Variants in ACTN1 observed in about 807,000 individuals in gnomAD.
ACTN1 encodes the protein actinin alpha 1, also known as alpha-actinin-1.
ACTN1 carries 30 observed loss-of-function variants against 119.6 expected under a neutral mutation model. The ratio of observed to expected loss-of-function variants is 0.25; its 90% confidence interval spans 0.19 to 0.34. The LOEUF is 0.34. ACTN1 is among the 10% of genes least tolerant of loss of function. The probability of loss-of-function intolerance (pLI) is 1.00; values close to 1 mark genes in which losing one functional copy is unlikely to be tolerated. For missense variants in ACTN1, 764 were observed against 1,223.4 expected (o/e 0.62, Z 5.60); for synonymous variants, 429 against 472.6 (o/e 0.91, Z 1.20).
Position 68,882,700 on chromosome 14 carries a change from C to T in ACTN1, c.1819-108G>A. Reference sequence around the variant, plus strand: ...GGGGAAGGGCCGGTCAGTAACAGAACAGGAGTAAAGGTGTCAACCTGTTCT... The same window carrying T: ...GGGGAAGGGCCGGTCAGTAACAGAATAGGAGTAAAGGTGTCAACCTGTTCT... On this transcript the variant is annotated intron_variant, in intron 15 of 21. Coordinates refer to ENST00000394419, the MANE Select transcript of ACTN1 (RefSeq NM_001130004.2). This position sits in a 1 kb window ranked among gnomAD's most constrained non-coding sequence, Gnocchi z 4.5. The T allele has an allele frequency of 1.3e-6, 2 of 1,550,058 alleles. No homozygotes were observed. The highest frequency in any genetic ancestry group is 1.8e-6 in the Non-Finnish European group (2 of 1,139,170).
chr14:68,967,423 G>C (rs902936988), intron 1 of ACTN1, among the ~76,000 whole-genome samples: 2 of 152,154 alleles, frequency 1.3e-5, no homozygotes, highest in African/African-American at 4.8e-5. Context: ...TGGGGTGCTG[G>C]GATGAGCTCA....
At position 68,909,875 on chromosome 14, in the gene ACTN1, C is replaced by A. The variant is rs764611361; in HGVS notation, c.515+80G>T. 1 of 1,261,148 alleles carries A rather than the reference C, an allele frequency of 7.9e-7. No homozygotes were observed. The highest frequency in any genetic ancestry group is 1.1e-6 in the Non-Finnish European group (1 of 873,872). The allele number at this position is 1,261,148 out of a possible 1,614,324, so 78.1% of individuals were successfully genotyped here. A position where few individuals can be genotyped will look rare whatever the true frequency, so the allele number is the denominator to read the frequency against. ...TCTCCACTTTGTTCTAAAGCTGAGA[C>A]TGACCCAGCCAAGGGGGTCTGGGAG... On this transcript the variant is annotated intron_variant, in intron 5 of 21. Coordinates refer to ENST00000394419, the MANE Select transcript of ACTN1 (RefSeq NM_001130004.2). This position sits in a 1 kb window ranked among gnomAD's most constrained non-coding sequence, Gnocchi z 4.1.
At chr14:68,901,840 G>A (rs2033360545) in intron 8 of ACTN1, among the ~76,000 whole-genome samples, 1 of 152,184 alleles carries the variant, frequency 6.6e-6, no homozygotes, top group African/African-American at 2.4e-5. Context: ...CAGGACACTT[G>A]ACGGGGCTCA....
intron 1 of ACTN1, among the ~76,000 whole-genome samples, chr14:68,941,363 G>A (rs1393886262): frequency 2.0e-5 from 3 of 152,194 alleles, no homozygotes; most frequent in Non-Finnish European, 4.4e-5. Flanking sequence ...AAAGTTCTAG[G>A]CCGGCAGAGA....
At chr14:68,897,622 T>A (rs550345589) in intron 8 of ACTN1, among the ~76,000 whole-genome samples, 1 of 152,300 alleles carries the variant, frequency 6.6e-6, no homozygotes, top group Admixed American at 6.5e-5. Flanking sequence ...GCCACGAGGA[T>A]CTCATCTATG....
At chr14:68,920,976 C>T (rs774888471) in intron 3 of ACTN1, 30 bp downstream of exon 3, 1 of 1,610,578 alleles carries the variant, frequency 6.2e-7, no homozygotes, top group South Asian at 1.1e-5. Flanking sequence ...GAAAATCAGG[C>T]TCCTTGGGGC....
intron 1 of ACTN1, among the ~76,000 whole-genome samples, chr14:68,950,462 G>GTGTGTGTGTGTGTGTGTATATA: frequency 1.2e-4 from 15 of 125,934 alleles, no homozygotes; most frequent in African/African-American, 5.3e-4. Context: ...ATGCGTGTGT[G>GTGTGTGTGTGTGTGTGTATATA]TATATATATA....
intron 1 of ACTN1, among the ~76,000 whole-genome samples, chr14:68,974,552 TCACACA>T (rs5809408): frequency 2.0e-5 from 3 of 149,704 alleles, no homozygotes; most frequent in African/African-American, 4.9e-5. Flanking sequence ...TCCTACAACA[TCACACA>T]CACACACACA....
chr14:68,884,411 C>T (rs2031825310), intron 13 of ACTN1, 103 bp from the exon 14 acceptor site: 1 of 1,347,560 alleles, frequency 7.4e-7, no homozygotes, highest in East Asian at 2.3e-5. Context: ...GAAGCACTGA[C>T]TCAATCAGGC....
intron 1 of ACTN1, among the ~76,000 whole-genome samples, chr14:68,945,979 G>A (rs566912872): frequency 2.6e-5 from 4 of 152,272 alleles, no homozygotes; most frequent in East Asian, 1.9e-4. Flanking sequence ...TGAGAAAACC[G>A]AGGCCAAGAG....
At chr14:68,951,941 C>T (rs1387008843) in intron 1 of ACTN1, among the ~76,000 whole-genome samples, 3 of 152,260 alleles carry the variant, frequency 2.0e-5, no homozygotes. Context: ...GCCTTGTGAA[C>T]TTCCCATTGG....
At chr14:68,952,687 T>C (rs1268261172) in intron 1 of ACTN1, among the ~76,000 whole-genome samples, 2 of 151,870 alleles carry the variant, frequency 1.3e-5, no homozygotes, top group South Asian at 2.1e-4. Flanking sequence ...GTAGGGACTT[T>C]CCCCCACCCC....
intron 2 of ACTN1, among the ~76,000 whole-genome samples, chr14:68,924,691 A>T (rs1435167674): frequency 2.0e-5 from 3 of 152,318 alleles, no homozygotes; most frequent in Admixed American, 2.0e-4. Context: ...TTGTGGGATC[A>T]TCTAGGTGAG....
chr14:68,889,676 AG>A lies in ACTN1; in HGVS notation c.1234+462del, dbSNP rs200906456. Reference sequence around the variant, plus strand: ...GCAGGCACCTGTAGTCCCAGCTACTAGGGAGGCTAGGGCAGGAGAATCACTT... The same window carrying A: ...GCAGGCACCTGTAGTCCCAGCTACTAGGAGGCTAGGGCAGGAGAATCACTT... On this transcript the variant is annotated intron_variant, in intron 11 of 21. Transcript: ENST00000394419. 7.1e-3 allele frequency among the ~76,000 whole-genome samples: 1,076 copies of A among 152,284 alleles called. 46 individuals carry two copies. In the East Asian group the frequency reaches 0.11, roughly 15 times the overall value.
rs2031951418 is a variant in ACTN1 at position 68,885,765 on chromosome 14, G to A, written c.1235-190C>T. On this transcript the variant is annotated intron_variant, in intron 11 of 21. Coordinates refer to ENST00000394419, the MANE Select transcript of ACTN1 (RefSeq NM_001130004.2). This position sits in a 1 kb window ranked among gnomAD's most constrained non-coding sequence, Gnocchi z 5.6. ...AACATCCACCAACCGGCGCAACGGG[G>A]AAAAGCACTCTCCTCAGAGCACTTC... 2 of 637,292 alleles carry A rather than the reference G, an allele frequency of 3.1e-6. No individual in the cohort carries two copies. Among genetic ancestry groups the A allele is most frequent in the Non-Finnish European group, 5.4e-6 (2 of 372,642 alleles). The allele number at this position is 637,292 out of a possible 1,614,324, so 39.5% of individuals were successfully genotyped here.
intron 8 of ACTN1, among the ~76,000 whole-genome samples, chr14:68,898,067 G>T (rs968416716): frequency 6.6e-6 from 1 of 152,244 alleles, no homozygotes; most frequent in Non-Finnish European, 1.5e-5. Flanking sequence ...GACTGCACCT[G>T]CCCTGCTCAG....
chr14:68,933,134 T>TTATTA (rs1566652423), intron 1 of ACTN1, among the ~76,000 whole-genome samples: 3,685 of 151,974 alleles, frequency 0.024, 157 homozygotes, highest in African/African-American at 0.083. Flanking sequence ...TTGTATTTTT[T>TTATTA]TTATTATTAT....
At chr14:68,924,318 GA>G (rs1411300682) in intron 2 of ACTN1, among the ~76,000 whole-genome samples, 1 of 152,022 alleles carries the variant, frequency 6.6e-6, no homozygotes, top group Non-Finnish European at 1.5e-5. Flanking sequence ...TCTGAAAGTA[GA>G]AAAAACTACT....
chr14:68,947,452 G>A (rs1377468166), intron 1 of ACTN1: 1 of 152,218 alleles, frequency 6.6e-6, no homozygotes, highest in African/African-American at 2.4e-5. Context: ...TCTTTTTACA[G>A]AGGAAGAAAC....
Sources: gnomAD v4.1 joint callset for allele counts (sites outside exome capture counted in the v4.1 genomes callset) on GRCh38, gnomAD v4.1.1 for gene constraint, Gnocchi (gnomAD v3.1) non-coding constraint, MANE v1.5 for transcripts, NCBI Gene and HGNC (gene_info 2026-07-23, HGNC 2026-07-21) for gene names.